Variants in DYNC2H1 observed in about 807,000 individuals in gnomAD.
The protein encoded by DYNC2H1 is cytoplasmic dynein 2 heavy chain 1.
In DYNC2H1, 410 loss-of-function variants were observed where a neutral mutation model predicts 570.0. That is an observed-to-expected ratio of 0.72 (90% confidence interval 0.66 to 0.78). The LOEUF is 0.78. DYNC2H1 is among the 30% of genes least tolerant of loss of function. The pLI, the probability that DYNC2H1 is intolerant of heterozygous loss-of-function variation, is 0.00. For synonymous variants in DYNC2H1, 1,688 were observed against 1,677.6 expected (o/e 1.01, Z -0.15); for missense variants, 4,865 against 5,046.4 (o/e 0.96, Z 1.09).
chr11:103,290,510 C>T (rs909382304), intron 75 of DYNC2H1, among the ~76,000 whole-genome samples: 1 of 152,064 alleles, frequency 6.6e-6, no homozygotes, highest in African/African-American at 2.4e-5. Flanking sequence ...ATATTAAACT[C>T]GCTTAAATGA....
chr11:103,171,357 G>A (rs1335857009), intron 34 of DYNC2H1, among the ~76,000 whole-genome samples: 1 of 152,022 alleles, frequency 6.6e-6, no homozygotes, highest in Non-Finnish European at 1.5e-5. Context: ...CCAGGTTCAA[G>A]CGATTCTCCT....
chr11:103,204,428 C>T lies in DYNC2H1; in HGVS notation c.8312-394C>T, dbSNP rs1210931705. On this transcript the variant is annotated intron_variant, in intron 51 of 88. Transcript: ENST00000375735. The surrounding 1 kb of genome is among the most constrained non-coding windows in gnomAD (Gnocchi z 4.1). ...TGGTGAAATTAGTGCTGCTTTAGTA[C>T]CTCCTGTCTTAAAGAACTATTGAAC... is the stretch of plus-strand genomic sequence containing the variant. Among the ~76,000 whole-genome samples, 1 of 152,082 alleles carries T rather than the reference C, an allele frequency of 6.6e-6. No individual in the cohort carries two copies. The highest frequency in any genetic ancestry group is 2.4e-5 in the African/African-American group (1 of 41,418).
At chr11:103,380,153 A>G (rs2135576506) in intron 83 of DYNC2H1, among the ~76,000 whole-genome samples, 1 of 152,296 alleles carries the variant, frequency 6.6e-6, no homozygotes, top group South Asian at 2.1e-4. Context: ...CCAGGTTCTC[A>G]TCTTTTCCCA....
chr11:103,321,846 C>A (rs1384918414), intron 81 of DYNC2H1, among the ~76,000 whole-genome samples: 1 of 151,318 alleles, frequency 6.6e-6, no homozygotes, highest in African/African-American at 2.4e-5. Flanking sequence ...ATAAACCTAT[C>A]TGTGTATAAG....
chr11:103,420,428 A>G (rs956004781), intron 84 of DYNC2H1, among the ~76,000 whole-genome samples: 1 of 152,220 alleles, frequency 6.6e-6, no homozygotes, highest in Non-Finnish European at 1.5e-5. Context: ...CATAATCATC[A>G]GATTCTCCAA....
At chr11:103,352,235 G>T (rs1423095910) in intron 82 of DYNC2H1, among the ~76,000 whole-genome samples, 1 of 151,810 alleles carries the variant, frequency 6.6e-6, no homozygotes, top group Non-Finnish European at 1.5e-5. Context: ...GATCTCTTTT[G>T]TATCTGTTTT....
In DYNC2H1 at chr11:103,236,559, T is replaced by C. The variant is rs1489249311; in HGVS notation, c.9819+20T>C. On this transcript the variant is annotated intron_variant, in intron 63 of 88. Transcript: ENST00000375735. ...TTACAGGTAGTTAATTTATTTTAAT[T>C]TTTTTATTAGAAATGTTTTATTGTC... The C allele has an allele frequency of 1.5e-6, 2 of 1,332,614 alleles. No individual in the cohort carries two copies. Among genetic ancestry groups the C allele is most frequent in the Non-Finnish European group, 2.1e-6 (2 of 948,808 alleles). 82.5% of individuals were successfully genotyped at this position (1,332,614 alleles called of 1,614,324 possible). A position where few individuals can be genotyped will look rare whatever the true frequency, so the allele number is the denominator to read the frequency against.
rs1248332249 is a variant in DYNC2H1, at chr11:103,316,581, C to G, written c.11686C>G (p.Leu3896Val). ...TKFYEFSLSDLRAGYNIIDRL... is the reference protein window; with the variant it reads ...TKFYEFSLSDVRAGYNIIDRL... ...GTTTTATGAATTTTCTTTATCAGAT[C>G]TTCGGGCTGGGTACAACATTATTGA... is the stretch of plus-strand genomic sequence containing the variant. The change falls in exon 80 of 89, where the codon CTT becomes GTT. Residue 3896 changes from leucine to valine, a missense_variant. Leu to Val is a conservative substitution (Grantham distance 32). Transcript: ENST00000375735. The G allele has an allele frequency of 6.4e-7, 1 of 1,560,910 alleles. No homozygotes were observed. The highest frequency in any genetic ancestry group is 2.4e-5 in the East Asian group (1 of 42,262).
At chr11:103,312,455 T>C (rs1212623718) in intron 79 of DYNC2H1, among the ~76,000 whole-genome samples, 1 of 143,388 alleles carries the variant, frequency 7.0e-6, no homozygotes, top group East Asian at 2.0e-4. Flanking sequence ...GGTAGGAGAA[T>C]TGCTTGAACC....
Position 103,220,097 on chromosome 11 carries a change from T to C in DYNC2H1, c.8946+69T>C, listed in dbSNP as rs143691694. 1.5e-4 allele frequency: 131 copies of C among 868,632 alleles called. 1 individual carries two copies. The highest frequency in any genetic ancestry group is 2.2e-5 in the Non-Finnish European group (13 of 604,632). The allele number at this position is 868,632 out of a possible 1,614,324, so 53.8% of individuals were successfully genotyped here. A position where few individuals can be genotyped will look rare whatever the true frequency, so the allele number is the denominator to read the frequency against. ...CCAGTTATATGTAGGAATTTAAACA[T>C]TATTTGTAACTCAAGTTGTTTTCTC... On this transcript the variant is annotated intron_variant, in intron 56 of 88. Transcript: ENST00000375735.
chr11:103,421,079 T>C (rs1171301449), intron 84 of DYNC2H1, among the ~76,000 whole-genome samples: 2 of 152,174 alleles, frequency 1.3e-5, no homozygotes, highest in South Asian at 2.1e-4. Context: ...GTTGCAATCC[T>C]AGTTTCTGAC....
intron 70 of DYNC2H1, among the ~76,000 whole-genome samples, chr11:103,271,886 C>A (rs980625622): frequency 6.6e-6 from 1 of 152,146 alleles, no homozygotes; most frequent in Non-Finnish European, 1.5e-5. Flanking sequence ...CCATCTCACA[C>A]CAGTTAGAAT....
At chr11:103,367,431 T>C (rs982094629) in intron 83 of DYNC2H1, among the ~76,000 whole-genome samples, 1 of 152,130 alleles carries the variant, frequency 6.6e-6, no homozygotes, top group Non-Finnish European at 1.5e-5. Context: ...CCCAGGTTTT[T>C]CTTTAGTTTT....
intron 58 of DYNC2H1, 130 bp downstream of exon 58, chr11:103,222,283 G>C (rs756094473): frequency 1.6e-6 from 1 of 620,440 alleles, no homozygotes; most frequent in Non-Finnish European, 2.5e-6. Context: ...AAGCTTATAG[G>C]AATTACACTT....
intron 83 of DYNC2H1, among the ~76,000 whole-genome samples, chr11:103,388,129 C>T (rs1745152793): frequency 6.6e-6 from 1 of 152,146 alleles, no homozygotes; most frequent in Admixed American, 6.5e-5. Context: ...TTCTTCCTAC[C>T]CATGAGCATG....
intron 84 of DYNC2H1, among the ~76,000 whole-genome samples, chr11:103,427,354 T>A (rs1943708897): frequency 6.6e-6 from 1 of 152,160 alleles, no homozygotes; most frequent in African/African-American, 2.4e-5. Context: ...ATGAAAGAAA[T>A]GTTACAGATT....
intron 44 of DYNC2H1, among the ~76,000 whole-genome samples, chr11:103,188,874 C>T (rs576701774): frequency 1.1e-4 from 16 of 152,026 alleles, no homozygotes; most frequent in South Asian, 2.1e-4. Context: ...GGAAATAAAA[C>T]GAAACTGTTT....
At position 103,219,424 on chromosome 11, in the gene DYNC2H1, C is replaced by T. The variant is rs183950831; in HGVS notation, c.8833-491C>T. The stretch of plus-strand genomic sequence containing the variant: ...GTCAGGAGTTTGAGACCAGCCTGGC[C>T]AACATGGCGAAACCCCGTCTCTACT... On this transcript the variant is annotated intron_variant, in intron 55 of 88. Coordinates refer to ENST00000375735, the MANE Select transcript of DYNC2H1 (RefSeq NM_001377.3). Among the ~76,000 whole-genome samples, 807 of 152,198 alleles carry T rather than the reference C, an allele frequency of 5.3e-3. 4 individuals carry two copies. Among genetic ancestry groups the T allele is most frequent in the African/African-American group, 0.018 (768 of 41,540 alleles).
Position 103,185,951 on chromosome 11 carries a change from T to C in DYNC2H1, c.6634-291T>C, listed in dbSNP as rs17374436. Among the ~76,000 whole-genome samples the C allele has an allele frequency of 0.047, 7,109 of 152,046 alleles. 219 individuals carry two copies. Among genetic ancestry groups the C allele is most frequent in the Middle Eastern group, 0.071 (21 of 294 alleles). On this transcript the variant is annotated intron_variant, in intron 41 of 88. Transcript: ENST00000375735. The surrounding 1 kb of genome is among the most constrained non-coding windows in gnomAD (Gnocchi z 4.5). ...GATTTCTGCATTCTGTACTTTGTGA[T>C]TTAATGTTAATAAGAACTCCATTAA...
Sources: gnomAD v4.1 joint callset for allele counts (sites outside exome capture counted in the v4.1 genomes callset) on GRCh38, gnomAD v4.1.1 for gene constraint, Gnocchi (gnomAD v3.1) non-coding constraint, MANE v1.5 for transcripts, NCBI Gene and HGNC (gene_info 2026-07-23, HGNC 2026-07-21) for gene names.